Variants in PCDH15 observed in about 807,000 individuals in gnomAD.
PCDH15 encodes the protein protocadherin related 15, also known as protocadherin-15.
In PCDH15, 129 loss-of-function variants were observed where a neutral mutation model predicts 178.5. That is an observed-to-expected ratio of 0.72 (90% CI 0.63 to 0.84). The LOEUF is 0.84. PCDH15 is among the 40% of genes least tolerant of loss of function. The pLI is 0.00. For synonymous variants in PCDH15, 800 were observed against 732.0 expected (o/e 1.09, Z -1.50); for missense variants, 2,230 against 2,099.9 (o/e 1.06, Z -1.21).
chr10:54,322,481 G>C (rs10825305), intron 7 of PCDH15, among the ~76,000 whole-genome samples: 107,136 of 151,852 alleles, frequency 0.71, 38,548 homozygotes, highest in Middle Eastern at 0.81. Context: ...AGTTCAACCA[G>C]TACTCTGAAC....
At chr10:54,232,995 A>T (rs1455468066) in intron 9 of PCDH15, among the ~76,000 whole-genome samples, 2 of 145,444 alleles carry the variant, frequency 1.4e-5, no homozygotes, top group Non-Finnish European at 3.0e-5. Context: ...GAGTAAAATG[A>T]TGTGATCGTA....
intron 17 of PCDH15, among the ~76,000 whole-genome samples, chr10:54,074,665 C>T (rs1452477181): frequency 6.6e-6 from 1 of 152,096 alleles, no homozygotes; most frequent in African/African-American, 2.4e-5. Context: ...CATGGGAATA[C>T]AAATATCTCT....
intron 8 of PCDH15, among the ~76,000 whole-genome samples, chr10:54,271,474 A>G (rs1335951402): frequency 6.6e-6 from 1 of 152,148 alleles, no homozygotes; most frequent in Non-Finnish European, 1.5e-5. Flanking sequence ...AGCCTCCAAT[A>G]GATGCTGGGA....
chr10:54,921,821 C>T (rs1024427875), intron 2 of PCDH15, among the ~76,000 whole-genome samples: 18 of 152,220 alleles, frequency 1.2e-4, no homozygotes, highest in African/African-American at 1.9e-4. Context: ...TGCAAAGTTC[C>T]GCAGGCTGTA....
chr10:54,242,882 G>A (rs1315720707), intron 8 of PCDH15, among the ~76,000 whole-genome samples: 1 of 152,064 alleles, frequency 6.6e-6, no homozygotes, highest in African/African-American at 2.4e-5. Flanking sequence ...ACAGTTTGCT[G>A]TTATAAAAGC....
intron 3 of PCDH15, among the ~76,000 whole-genome samples, chr10:54,422,719 A>T (rs901978404): frequency 1.3e-5 from 2 of 152,128 alleles, no homozygotes; most frequent in African/African-American, 4.8e-5. Context: ...CCACTCAAAG[A>T]TTACATTACT....
intron 2 of PCDH15, among the ~76,000 whole-genome samples, chr10:55,069,215 G>A (rs1315687104): frequency 7.2e-6 from 1 of 139,738 alleles, no homozygotes; most frequent in African/African-American, 2.7e-5. Flanking sequence ...TTATCTTTTT[G>A]ATGTTCTGTT....
intron 5 of PCDH15, among the ~76,000 whole-genome samples, chr10:54,354,949 TTAGA>T (rs1247526072): frequency 6.6e-6 from 1 of 151,834 alleles, no homozygotes; most frequent in East Asian, 1.9e-4. Context: ...AAAACTCAAA[TTAGA>T]TAGATTCAGA....
chr10:54,007,106 C>A (rs1369111997), intron 20 of PCDH15, among the ~76,000 whole-genome samples: 4 of 152,152 alleles, frequency 2.6e-5, no homozygotes, highest in Non-Finnish European at 4.4e-5. Context: ...TTTTCAGATT[C>A]ATATTCAGTT....
At chr10:54,022,451 C>A (rs114079052) in intron 19 of PCDH15, among the ~76,000 whole-genome samples, 1 of 133,134 alleles carries the variant, frequency 7.5e-6, no homozygotes, top group African/African-American at 2.9e-5. Flanking sequence ...ATATGTATAA[C>A]CCACACAAAT....
chr10:53,831,093 T>C (rs2076989218), intron 30 of PCDH15: 1 of 751,250 alleles, frequency 1.3e-6, no homozygotes, highest in South Asian at 1.4e-5. Flanking sequence ...AGAGACCGAA[T>C]TAGAATCACA....
intron 6 of PCDH15, among the ~76,000 whole-genome samples, chr10:54,336,473 G>A (rs1207290014): frequency 6.6e-6 from 1 of 152,108 alleles, no homozygotes; most frequent in African/African-American, 2.4e-5. Context: ...TAGGAACTCG[G>A]TGCCCCGTGT....
chr10:54,655,292 G>GAGAGAGAGAGAC lies in PCDH15; in HGVS notation c.91+8868_91+8879dup, dbSNP rs1178161752. 2.5e-3 allele frequency among the ~76,000 whole-genome samples: 304 copies of GAGAGAGAGAGAC among 121,012 alleles called. 2 individuals are homozygous for GAGAGAGAGAGAC. Among genetic ancestry groups the GAGAGAGAGAGAC allele is most frequent in the Non-Finnish European group, 4.1e-3 (225 of 54,912 alleles). 79.4% of individuals were successfully genotyped at this position (121,012 alleles called of 152,430 possible). A position where few individuals can be genotyped will look rare whatever the true frequency, so the allele number is the denominator to read the frequency against. On this transcript the variant is annotated intron_variant, in intron 2 of 37. Coordinates refer to ENST00000644397, the MANE Select transcript of PCDH15 (RefSeq NM_001384140.1). ...AGAGAGAGAGAGAGAGAGAGAGAGAGAGAGAGAGAGACAGAGAGAGAGACA... is the reference window on the plus strand; with the variant it reads ...AGAGAGAGAGAGAGAGAGAGAGAGAGAGAGAGAGAGACAGAGAGAGAGACAGAGAGAGAGACA...
intron 2 of PCDH15, among the ~76,000 whole-genome samples, chr10:54,662,304 C>G (rs2094504000): frequency 6.6e-6 from 1 of 151,948 alleles, no homozygotes; most frequent in African/African-American, 2.4e-5. Flanking sequence ...AAAAAACATT[C>G]AACCTCACTA....
intron 1 of PCDH15, among the ~76,000 whole-genome samples, chr10:55,181,975 T>C (rs551425571): frequency 3.9e-5 from 6 of 152,092 alleles, no homozygotes; most frequent in African/African-American, 1.4e-4. Context: ...TGTATCAAGA[T>C]TGTCCTTCTT....
chr10:54,436,848 A>G (rs2075455249), intron 3 of PCDH15, among the ~76,000 whole-genome samples: 1 of 152,338 alleles, frequency 6.6e-6, no homozygotes, highest in Admixed American at 6.5e-5. Flanking sequence ...TTGGTGGAAA[A>G]TGCAAAGCAT....
chr10:55,619,943 T>C (rs535504919), intron 2 of PCDH15, among the ~76,000 whole-genome samples: 2 of 152,224 alleles, frequency 1.3e-5, no homozygotes, highest in South Asian at 4.1e-4. Context: ...TAAGACTTAA[T>C]TCCCAAACCT....
intron 3 of PCDH15, among the ~76,000 whole-genome samples, chr10:54,867,595 A>C (rs1591752894): frequency 6.6e-6 from 1 of 152,138 alleles, no homozygotes; most frequent in East Asian, 1.9e-4. Flanking sequence ...ATTTTCAAGA[A>C]GATATGGGTT....
intron 2 of PCDH15, among the ~76,000 whole-genome samples, chr10:55,073,432 C>G (rs555511740): frequency 3.4e-4 from 51 of 152,140 alleles, no homozygotes; most frequent in Non-Finnish European, 6.3e-4. Context: ...TACAAAAAAT[C>G]ACAAGCATTC....
Sources: allele counts gnomAD v4.1 joint callset (sites outside exome capture counted in the v4.1 genomes callset), GRCh38; gene constraint gnomAD v4.1.1; transcripts MANE v1.5; gene names NCBI Gene and HGNC (gene_info 2026-07-23, HGNC 2026-07-21).